TPPP: variants seen among roughly 807,000 people sequenced by gnomAD.
The protein encoded by TPPP is tubulin polymerization promoting protein.
TPPP carries 6 observed loss-of-function variants against 15.5 expected under a neutral mutation model. That is an observed-to-expected ratio of 0.39 (90% CI 0.21 to 0.77). The LOEUF (loss-of-function observed/expected upper bound fraction) is 0.77, where lower values mean the gene tolerates loss of function less well. TPPP is among the 30% of genes least tolerant of loss of function. The pLI is 0.42. For synonymous variants in TPPP, 146 were observed against 133.9 expected, an observed-to-expected ratio of 1.09 and a Z score of -0.63; for missense variants, 269 against 307.2, an observed-to-expected ratio of 0.88 and a Z score of 0.93.
chr5:696,300 G>A (rs1426377954), upstream of TPPP, among the ~76,000 whole-genome samples: 6 of 124,616 alleles, frequency 4.8e-5, 1 homozygote, highest in African/African-American at 9.2e-5. Context: ...CACGGGGAGC[G>A]GGGGGAGCAA....
rs974617630 is a variant in TPPP at position 663,517 on chromosome 5, C to G, written c.*1585G>C. Reference sequence around the variant, plus strand: ...AGGGGCCTCGGAGACCGCCCCCCAGCCCTCAGCGGACCATGCTGGCTGGGA... The same window carrying G: ...AGGGGCCTCGGAGACCGCCCCCCAGGCCTCAGCGGACCATGCTGGCTGGGA... On this transcript the variant is annotated 3_prime_UTR_variant, in exon 4 of 4. Coordinates refer to ENST00000360578, the MANE Select transcript of TPPP (RefSeq NM_007030.3). 1 of 152,448 alleles carries G rather than the reference C, an allele frequency of 6.6e-6. No individual in the cohort carries two copies. The highest frequency in any genetic ancestry group is 1.5e-5 in the Non-Finnish European group (1 of 68,154). The allele number at this position is 152,448 out of a possible 1,614,324, so 9.4% of individuals were successfully genotyped here.
chr5:700,529 G>C, the TPPP span, among the ~76,000 whole-genome samples: 19 of 151,960 alleles, frequency 1.3e-4, no homozygotes, highest in African/African-American at 4.6e-4. Context: ...AAGCCCAGAT[G>C]TCACCACTAT....
At chr5:672,040 G>A (rs1207603801) in intron 2 of TPPP, among the ~76,000 whole-genome samples, 2 of 152,230 alleles carry the variant, frequency 1.3e-5, no homozygotes, top group Non-Finnish European at 2.9e-5. Flanking sequence ...TTGCCCTGTG[G>A]CGGCTGCCCT....
chr5:667,964 G>A lies in TPPP; in HGVS notation c.312-1841C>T, dbSNP rs56891355. 9.8e-5 allele frequency among the ~76,000 whole-genome samples: 4 copies of A among 40,992 alleles called. 1 individual carries two copies. The African/African-American group carries it at 1.4e-3, about 14-fold the overall frequency. 26.9% of individuals were successfully genotyped at this position (40,992 alleles called of 152,430 possible). A position where few individuals can be genotyped will look rare whatever the true frequency, so the allele number is the denominator to read the frequency against. On this transcript the variant is annotated intron_variant, in intron 2 of 3. Transcript: ENST00000360578. ...GCCGTGTGGGCGCCGTCAGGGAAGTGCGGACAAGCACACAGAGAGGGGGCC... is the reference window on the plus strand; with the variant it reads ...GCCGTGTGGGCGCCGTCAGGGAAGTACGGACAAGCACACAGAGAGGGGGCC...
chr5:674,523 T>A (rs1192601518), intron 2 of TPPP, among the ~76,000 whole-genome samples: 1 of 152,014 alleles, frequency 6.6e-6, no homozygotes, highest in Non-Finnish European at 1.5e-5. Context: ...CTTGGCAGAG[T>A]GAGTTCTGGG....
In TPPP at chr5:662,918, T is replaced by G. The variant is rs562572262; in HGVS notation, c.*2184A>C. The G allele has an allele frequency of 2.1e-5, 3 of 143,762 alleles. No homozygotes were observed. The highest frequency in any genetic ancestry group is 3.0e-5 in the Non-Finnish European group (2 of 66,500). 8.9% of individuals were successfully genotyped at this position (143,762 alleles called of 1,614,324 possible). On this transcript the variant is annotated 3_prime_UTR_variant, in exon 4 of 4. Transcript: ENST00000360578. ...CTCGTCTGTGATCGGGCGATTCTGG[T>G]GACCGCTCGTCTGTGATCGGGTGAG...
intron 1 of TPPP, among the ~76,000 whole-genome samples, chr5:685,457 C>T (rs1740741658): frequency 6.6e-6 from 1 of 152,236 alleles, no homozygotes; most frequent in Non-Finnish European, 1.5e-5. Flanking sequence ...ACCACAACCG[C>T]ATGGCCTCAG....
intron 1 of TPPP, among the ~76,000 whole-genome samples, chr5:686,303 A>C (rs1740764476): frequency 6.6e-6 from 1 of 152,248 alleles, no homozygotes. Flanking sequence ...AAGGACTCTC[A>C]CGCGGGGCAC....
upstream of TPPP, among the ~76,000 whole-genome samples, chr5:693,877 G>A (rs1214653045): frequency 2.0e-5 from 3 of 149,564 alleles, no homozygotes; most frequent in African/African-American, 7.3e-5. Flanking sequence ...GGGCTGTGAG[G>A]GTGCTCGGAC....
At chr5:672,281 C>G (rs1740251087) in intron 2 of TPPP, among the ~76,000 whole-genome samples, 1 of 151,236 alleles carries the variant, frequency 6.6e-6, no homozygotes, top group Non-Finnish European at 1.5e-5. Flanking sequence ...CCTGGCCCTG[C>G]TGTTCTCAGT....
chr5:686,258 C>T (rs1330139939), intron 1 of TPPP, among the ~76,000 whole-genome samples: 3 of 152,242 alleles, frequency 2.0e-5, no homozygotes, highest in Non-Finnish European at 4.4e-5. Flanking sequence ...GCGGTGGGAC[C>T]TGCCTCCATT....
intron 1 of TPPP, among the ~76,000 whole-genome samples, chr5:683,538 A>C (rs933285879): frequency 6.6e-5 from 10 of 152,150 alleles, no homozygotes; most frequent in African/African-American, 2.4e-4. Context: ...CCTGGGTGGG[A>C]GCTGCTCCCT....
the TPPP span, among the ~76,000 whole-genome samples, chr5:698,931 A>T: frequency 6.6e-6 from 1 of 151,450 alleles, no homozygotes; most frequent in Non-Finnish European, 1.5e-5. Context: ...GTAGCTACAA[A>T]AAATTACCTA....
intron 1 of TPPP, among the ~76,000 whole-genome samples, chr5:681,806 G>A (rs1350578331): frequency 2.0e-5 from 3 of 152,248 alleles, no homozygotes; most frequent in African/African-American, 4.8e-5. Flanking sequence ...GATGAGGGCA[G>A]AGGTGGCACC....
chr5:686,306 C>T (rs1247385853), intron 1 of TPPP, among the ~76,000 whole-genome samples: 15 of 152,362 alleles, frequency 9.8e-5, no homozygotes, highest in East Asian at 1.9e-4. Context: ...GACTCTCACG[C>T]GGGGCACACC....
chr5:679,148 C>G (rs1433701294), intron 1 of TPPP, among the ~76,000 whole-genome samples: 2 of 152,204 alleles, frequency 1.3e-5, no homozygotes, highest in Non-Finnish European at 2.9e-5. Flanking sequence ...ATCTGGAGTT[C>G]TCAGCGCCAG....
At chr5:685,436 C>T (rs1033755626) in intron 1 of TPPP, among the ~76,000 whole-genome samples, 2 of 152,216 alleles carry the variant, frequency 1.3e-5, no homozygotes, top group African/African-American at 2.4e-5. Flanking sequence ...CACTCGGGAC[C>T]CCTGCCACTC....
the TPPP span, among the ~76,000 whole-genome samples, chr5:698,757 A>G: frequency 6.6e-6 from 1 of 151,996 alleles, no homozygotes; most frequent in Non-Finnish European, 1.5e-5. Context: ...TTGGGTGCGG[A>G]CACAGCCAAA....
intron 3 of TPPP, 53 bp downstream of exon 3, chr5:665,917 A>AC: frequency 3.7e-5 from 3 of 80,392 alleles, no homozygotes; most frequent in Admixed American, 3.2e-4. Flanking sequence ...CCCACCTTCC[A>AC]GGCCCCGCCC....
Sources: allele counts gnomAD v4.1 joint callset (sites outside exome capture counted in the v4.1 genomes callset), GRCh38; gene constraint gnomAD v4.1.1; transcripts MANE v1.5; gene names NCBI Gene and HGNC (gene_info 2026-07-23, HGNC 2026-07-21).